Variants in CC2D2A observed in about 807,000 individuals in gnomAD.
CC2D2A encodes coiled-coil and C2 domain containing 2A.
In CC2D2A, 155 loss-of-function variants were observed where a neutral mutation model predicts 212.9. That is an observed-to-expected ratio of 0.73 (90% CI 0.64 to 0.83). The LOEUF (loss-of-function observed/expected upper bound fraction) is 0.83, where lower values mean the gene tolerates loss of function less well. CC2D2A is among the 40% of genes least tolerant of loss of function. CC2D2A has a pLI of 0.00. For synonymous variants in CC2D2A, 667 were observed against 686.5 expected, an observed-to-expected ratio of 0.97 and a Z score of 0.44; for missense variants, 1,856 against 1,956.2, an observed-to-expected ratio of 0.95 and a Z score of 0.97.
chr4:15,538,178 T>C, intron 16 of CC2D2A, 41 bp downstream of exon 16: 5 of 1,488,914 alleles, frequency 3.4e-6, no homozygotes, highest in Non-Finnish European at 4.5e-6. Flanking sequence ...TGACATCTGA[T>C]ACACATGTTC....
At chr4:15,497,295 G>A (rs1331400333) in intron 4 of CC2D2A, among the ~76,000 whole-genome samples, 1 of 152,110 alleles carries the variant, frequency 6.6e-6, no homozygotes, top group Non-Finnish European at 1.5e-5. Flanking sequence ...TTTTGTTCCT[G>A]AAGTCAAGCT....
chr4:15,538,532 C>G (rs1718259237), intron 16 of CC2D2A, among the ~76,000 whole-genome samples: 4 of 152,160 alleles, frequency 2.6e-5, no homozygotes. Flanking sequence ...CTTTCTGGCA[C>G]AGGCACGGAT....
Position 15,502,506 on chromosome 4 carries a change from C to A in CC2D2A, c.325C>A (p.Gln109Lys). The change falls in exon 5 of 37, where the codon CAA (glutamine) becomes AAA (lysine). Residue 109 changes from glutamine to lysine, a missense_variant. Around this residue, in one of 5 missense-constraint regions of CC2D2A, gnomAD observed 1,512 missense variants for 1,579.3 expected, o/e 0.96. Transcript: ENST00000424120. ...GAGGGGACGCATGAGGGAGAAATTG[C>A]AAGCAGCGAGGGTGAGAGAAACCAC... is the stretch of plus-strand genomic sequence containing the variant. Reference protein sequence around the residue: ...SMRGRMREKLQAARSKAESAL... With the variant: ...SMRGRMREKLKAARSKAESAL... 1.2e-6 allele frequency: 2 copies of A among 1,603,628 alleles called. No homozygotes were observed. Among genetic ancestry groups the A allele is most frequent in the Admixed American group, 1.7e-5 (1 of 57,816 alleles).
At chr4:15,515,222 T>C (rs1168070906) in intron 9 of CC2D2A, among the ~76,000 whole-genome samples, 2 of 152,210 alleles carry the variant, frequency 1.3e-5, no homozygotes, top group Non-Finnish European at 2.9e-5. Context: ...TACTACTCTA[T>C]GGCGTGATCT....
intron 17 of CC2D2A, among the ~76,000 whole-genome samples, chr4:15,544,194 T>C (rs1718597599): frequency 6.6e-6 from 1 of 152,122 alleles, no homozygotes; most frequent in Non-Finnish European, 1.5e-5. Context: ...AGAATAAAAC[T>C]TGACTGAGAA....
chr4:15,563,688 A>G, intron 24 of CC2D2A, 166 bp downstream of exon 24: 1 of 641,110 alleles, frequency 1.6e-6, no homozygotes, highest in Non-Finnish European at 2.7e-6. Flanking sequence ...ATACATTCCA[A>G]TTCCATCAAT....
At chr4:15,501,861 G>T (rs538562807) in intron 4 of CC2D2A, among the ~76,000 whole-genome samples, 1 of 152,136 alleles carries the variant, frequency 6.6e-6, no homozygotes, top group Non-Finnish European at 1.5e-5. Context: ...CACAATAGCT[G>T]CCTGATAGTT....
intron 3 of CC2D2A, chr4:15,479,268 C>T (rs538659517): frequency 2.0e-6 from 3 of 1,537,234 alleles, no homozygotes; most frequent in East Asian, 4.9e-5. Context: ...CCTCCCCCAC[C>T]TCTCCGCAGG....
chr4:15,524,447 A>ATTTTTTTTTTTTTTTT (rs71179636), intron 11 of CC2D2A, among the ~76,000 whole-genome samples: 2 of 89,970 alleles, frequency 2.2e-5, no homozygotes, highest in African/African-American at 4.6e-5. Flanking sequence ...AAAATTTTTA[A>ATTTTTTTTTTTTTTTT]TTTTTTTTTT....
At chr4:15,516,848 C>A in intron 11 of CC2D2A, 92 bp downstream of exon 11, 1 of 1,255,126 alleles carries the variant, frequency 8.0e-7, no homozygotes, top group Non-Finnish European at 1.1e-6. Flanking sequence ...TAACATTCTA[C>A]TTTAATTTTT....
rs867941370 is a variant in CC2D2A at position 15,537,942 on chromosome 4, C to T, written c.1808C>T (p.Pro603Leu). Residue 603 changes from proline (P) to leucine (L), a missense_variant, in exon 16 of 37, where the codon CCC (proline) becomes CTC (leucine). Physicochemically the swap from Pro to Leu is moderately conservative, Grantham distance 98 (BLOSUM62 -3). Around this residue, in one of 5 missense-constraint regions of CC2D2A, gnomAD observed 1,512 missense variants for 1,579.3 expected, o/e 0.96. Transcript: ENST00000424120. ...AGGAAACAAGCAGCAGAAGAACATC[C>T]CGGTGATGAGATTGCAGAGCCGTAT... ...KKRKQAAEEH[P>L]GDEIAEPYPE... The T allele has an allele frequency of 6.2e-7, 1 of 1,608,814 alleles. No homozygotes were observed. The highest frequency in any genetic ancestry group is 1.3e-5 in the African/African-American group (1 of 74,798).
Position 15,527,656 on chromosome 4 carries a change from G to A in CC2D2A, c.1359G>A (p.Lys453=). 1.3e-6 allele frequency: 2 copies of A among 1,595,498 alleles called. No homozygotes were observed. The highest frequency in any genetic ancestry group is 1.7e-6 in the Non-Finnish European group (2 of 1,169,252). ...ACAAGGCGAAATTTCTTACTGATAA[G>A]GTACATGTGATTTCTTCCATAATGA... ...QRNKAKFLTD[K]LQALRNAVQT... The change falls in exon 12 of 37, where the codon AAG becomes AAA. Residue 453 remains lysine, a splice_region_variant and synonymous_variant. Transcript: ENST00000424120.
In CC2D2A at chr4:15,479,183, CTT is replaced by C. The variant is rs111451888; in HGVS notation, c.123+381_123+382del. ...GATTACAAATCTTGGGAAACTCCCT[CTT>C]TTTCCAACTCCAAGCCCAAATTCTG... On this transcript the variant is annotated intron_variant, in intron 3 of 36. Coordinates refer to ENST00000424120, the MANE Select transcript of CC2D2A (RefSeq NM_001378615.1). The C allele has an allele frequency of 2.5e-4, 365 of 1,455,724 alleles. 2 individuals carry two copies. The African/African-American group carries it at 4.1e-3, about 16-fold the overall frequency. 90.2% of individuals were successfully genotyped at this position (1,455,724 alleles called of 1,614,324 possible). A position where few individuals can be genotyped will look rare whatever the true frequency, so the allele number is the denominator to read the frequency against.
intron 17 of CC2D2A, among the ~76,000 whole-genome samples, chr4:15,547,900 G>A (rs886462817): frequency 2.0e-5 from 3 of 151,908 alleles, no homozygotes; most frequent in South Asian, 2.1e-4. Flanking sequence ...TTAGCGGGGC[G>A]TGGTGGTGCA....
rs1297529079 is a variant in CC2D2A, at chr4:15,572,881, G to GT, written c.3595-1268dup. Among the ~76,000 whole-genome samples the GT allele has an allele frequency of 2.6e-5, 4 of 152,228 alleles. No homozygotes were observed. In the East Asian group the frequency reaches 5.8e-4, roughly 22 times the overall value. On this transcript the variant is annotated intron_variant, in intron 28 of 36. Transcript: ENST00000424120. The stretch of plus-strand genomic sequence containing the variant: ...CTAGATCCCCTAGCAAACTACTGGT[G>GT]TAAGTCCAAGAGTCCAAAAACTGAA...
chr4:15,550,124 G>C (rs927886281), intron 17 of CC2D2A, among the ~76,000 whole-genome samples: 4 of 152,158 alleles, frequency 2.6e-5, no homozygotes, highest in African/African-American at 9.7e-5. Flanking sequence ...ATGGAGCCAA[G>C]GGTCCAACTG....
At chr4:15,538,741 T>C (rs142746785) in intron 16 of CC2D2A, among the ~76,000 whole-genome samples, 11 of 152,380 alleles carry the variant, frequency 7.2e-5, no homozygotes, top group Non-Finnish European at 1.5e-5. Flanking sequence ...TTTGTACATA[T>C]AATAATTCAT....
intron 4 of CC2D2A, among the ~76,000 whole-genome samples, chr4:15,496,185 T>C (rs1715604046): frequency 6.6e-6 from 1 of 152,218 alleles, no homozygotes; most frequent in African/African-American, 2.4e-5. Flanking sequence ...GTAGGTTGTC[T>C]GTTTGCTCTG....
intron 4 of CC2D2A, among the ~76,000 whole-genome samples, chr4:15,494,082 T>C (rs976078274): frequency 3.9e-5 from 6 of 152,256 alleles, no homozygotes; most frequent in South Asian, 2.1e-4. Context: ...GAAGACTCAA[T>C]CCTAAGTAGA....
Sources: gnomAD v4.1 joint callset for allele counts (sites outside exome capture counted in the v4.1 genomes callset) on GRCh38, gnomAD v4.1.1 for gene constraint, gnomAD v4.1.1 regional missense constraint, MANE v1.5 for transcripts, NCBI Gene and HGNC (gene_info 2026-07-23, HGNC 2026-07-21) for gene names.